Variants in PARD3B observed in about 807,000 individuals in gnomAD.
PARD3B encodes the protein partitioning defective 3 homolog B.
Under a neutral mutation model 130.2 loss-of-function variants are expected in PARD3B, and 103 were observed. The observed-to-expected ratio is 0.79, with a 90% CI of 0.67 to 0.93. PARD3B has a LOEUF of 0.93. Ranked by LOEUF, PARD3B falls within the 40% of genes least tolerant of loss-of-function variation. PARD3B has a pLI of 0.00. For synonymous variants in PARD3B, 583 were observed against 553.2 expected, an observed-to-expected ratio of 1.05 and a Z score of -0.76; for missense variants, 1,609 against 1,499.2, an observed-to-expected ratio of 1.07 and a Z score of -1.21.
chr2:205,406,953 G>A (rs1053154650), intron 19 of PARD3B, among the ~76,000 whole-genome samples: 34 of 152,128 alleles, frequency 2.2e-4, no homozygotes, highest in African/African-American at 9.7e-5. Flanking sequence ...ACAGGCATAA[G>A]CCACTGCACC....
chr2:205,318,255 G>A (rs1057254377), intron 18 of PARD3B, among the ~76,000 whole-genome samples: 1 of 152,212 alleles, frequency 6.6e-6, no homozygotes. Flanking sequence ...TATGCCTCCT[G>A]GAATTTTCAA....
intron 2 of PARD3B, among the ~76,000 whole-genome samples, chr2:204,908,299 A>G (rs1278469091): frequency 6.6e-6 from 1 of 152,248 alleles, no homozygotes; most frequent in Non-Finnish European, 1.5e-5. Flanking sequence ...ATATACTTAA[A>G]TATAATTATC....
At chr2:204,776,604 T>TC (rs2041633118) in intron 2 of PARD3B, among the ~76,000 whole-genome samples, 1 of 152,058 alleles carries the variant, frequency 6.6e-6, no homozygotes, top group Non-Finnish European at 1.5e-5. Context: ...ATTCCTTTTT[T>TC]CCCCGAGACA....
chr2:204,788,771 A>G (rs2042097815), intron 2 of PARD3B, among the ~76,000 whole-genome samples: 1 of 152,218 alleles, frequency 6.6e-6, no homozygotes, highest in Admixed American at 6.5e-5. Flanking sequence ...TATGTAAATT[A>G]TGATGCAAGT....
At chr2:204,745,993 T>A (rs1038550066) in intron 2 of PARD3B, among the ~76,000 whole-genome samples, 4 of 151,732 alleles carry the variant, frequency 2.6e-5, no homozygotes, top group African/African-American at 4.8e-5. Flanking sequence ...TTTTTTTTTT[T>A]ATTATACTTT....
At chr2:205,165,235 T>C (rs528878285) in intron 11 of PARD3B, among the ~76,000 whole-genome samples, 4 of 152,036 alleles carry the variant, frequency 2.6e-5, no homozygotes, top group Non-Finnish European at 5.9e-5. Context: ...GAAACTGGAA[T>C]GACAGGAAAG....
At chr2:204,734,726 A>G (rs900115802) in intron 2 of PARD3B, among the ~76,000 whole-genome samples, 3 of 152,178 alleles carry the variant, frequency 2.0e-5, no homozygotes, top group Non-Finnish European at 4.4e-5. Flanking sequence ...AAATTAGATC[A>G]GTGGTTCCTA....
intron 21 of PARD3B, among the ~76,000 whole-genome samples, chr2:205,506,196 G>T (rs1278869437): frequency 6.6e-6 from 1 of 152,076 alleles, no homozygotes; most frequent in Non-Finnish European, 1.5e-5. Flanking sequence ...AGCTGGGCAT[G>T]GTGGTGCACA....
chr2:204,804,801 G>T (rs898864682), intron 2 of PARD3B, among the ~76,000 whole-genome samples: 1 of 151,952 alleles, frequency 6.6e-6, no homozygotes, highest in Non-Finnish European at 1.5e-5. Flanking sequence ...GACAACAATG[G>T]AATAAAACTA....
intron 2 of PARD3B, among the ~76,000 whole-genome samples, chr2:204,960,732 T>C (rs1690674423): frequency 6.6e-6 from 1 of 152,054 alleles, no homozygotes; most frequent in African/African-American, 2.4e-5. Flanking sequence ...GGATACACAA[T>C]CAATAACAAA....
chr2:204,748,069 T>C (rs764400346), intron 2 of PARD3B, among the ~76,000 whole-genome samples: 4 of 152,078 alleles, frequency 2.6e-5, no homozygotes, highest in Non-Finnish European at 4.4e-5. Context: ...TATAATAATA[T>C]ATTTTATTGA....
intron 6 of PARD3B, among the ~76,000 whole-genome samples, chr2:205,117,897 A>T (rs948527795): frequency 2.1e-5 from 3 of 140,832 alleles, no homozygotes; most frequent in African/African-American, 7.6e-5. Context: ...TATGTAACAG[A>T]ATTGTGTATG....
chr2:205,426,474 C>T (rs1470720812), intron 19 of PARD3B, among the ~76,000 whole-genome samples: 4 of 152,190 alleles, frequency 2.6e-5, no homozygotes, highest in African/African-American at 4.8e-5. Context: ...GAAAGCTGTA[C>T]AGCAGGTAGT....
chr2:204,964,942 T>C (rs1691094469), intron 2 of PARD3B, among the ~76,000 whole-genome samples: 1 of 152,136 alleles, frequency 6.6e-6, no homozygotes, highest in African/African-American at 2.4e-5. Context: ...AATAAACAAA[T>C]GAATAAACCA....
intron 2 of PARD3B, among the ~76,000 whole-genome samples, chr2:204,705,983 T>A (rs369099371): frequency 1.3e-5 from 2 of 152,144 alleles, no homozygotes; most frequent in African/African-American, 4.8e-5. Flanking sequence ...AGTTCTTTGA[T>A]TGGGTGAATG....
intron 16 of PARD3B, among the ~76,000 whole-genome samples, chr2:205,248,053 C>T (rs1407347764): frequency 2.0e-5 from 3 of 152,106 alleles, no homozygotes; most frequent in Admixed American, 1.3e-4. Flanking sequence ...CTCAGCCTCC[C>T]GGATAGCTGG....
intron 15 of PARD3B, among the ~76,000 whole-genome samples, chr2:205,202,791 T>C (rs1358961594): frequency 6.6e-6 from 1 of 152,166 alleles, no homozygotes; most frequent in Non-Finnish European, 1.5e-5. Context: ...GTAGCAGTCA[T>C]GGAGAGGGTA....
At position 205,289,849 on chromosome 2, in the gene PARD3B, C is replaced by A. The variant is rs1020897712; in HGVS notation, c.2186-10681C>A. Among the ~76,000 whole-genome samples, 7 of 152,282 alleles carry A rather than the reference C, an allele frequency of 4.6e-5. No individual in the cohort carries two copies. The South Asian group carries it at 1.2e-3, about 27-fold the overall frequency. On this transcript the variant is annotated intron_variant, in intron 16 of 22. Transcript: ENST00000406610. ...CCCCCTCAACGTGTGATGCCCTGTG[C>A]TGCCTTGGGACTCTGCAGAGAGTCC...
intron 11 of PARD3B, among the ~76,000 whole-genome samples, chr2:205,170,938 TGTC>T (rs2035141537): frequency 1.3e-5 from 2 of 152,322 alleles, no homozygotes; most frequent in Non-Finnish European, 2.9e-5. Context: ...CAAAGGGAAT[TGTC>T]GTGGAAGAAC....
Sources: allele counts gnomAD v4.1 joint callset (sites outside exome capture counted in the v4.1 genomes callset), GRCh38; gene constraint gnomAD v4.1.1; transcripts MANE v1.5; gene names NCBI Gene and HGNC (gene_info 2026-07-23, HGNC 2026-07-21).